NDP: variants seen among roughly 807,000 people sequenced by gnomAD.
NDP encodes the protein norrin cystine knot growth factor NDP.
A neutral mutation model predicts 8.4 loss-of-function variants in NDP; 2 were observed. That is an observed-to-expected ratio of 0.24 (90% CI 0.10 to 0.75). NDP has a LOEUF of 0.75. Among genes scored for constraint, NDP ranks in the 30% least tolerant of loss-of-function variants. The pLI, the probability that NDP is intolerant of heterozygous loss-of-function variation, is 0.73. For synonymous variants in NDP, 55 were observed against 45.6 expected (o/e 1.21, Z -0.83); for missense variants, 81 against 110.1 (o/e 0.74, Z 1.18).
intron 1 of NDP, among the ~76,000 whole-genome samples, chrX:43,963,984 T>C (rs904854791): frequency 8.9e-6 from 1 of 112,128 alleles, no homozygotes; most frequent in African/African-American, 3.2e-5. Context: ...TCTCCAAGGA[T>C]GGGCAGGCAA....
chrX:43,952,295 G>A (rs892428018), intron 2 of NDP, among the ~76,000 whole-genome samples: 1 of 111,866 alleles, frequency 8.9e-6, no homozygotes, highest in Non-Finnish European at 1.9e-5. Flanking sequence ...CTGTATGTGG[G>A]AAGAGCTGCT....
intron 1 of NDP, among the ~76,000 whole-genome samples, chrX:43,969,947 C>T (rs1476454823): frequency 8.9e-6 from 1 of 111,872 alleles, no homozygotes; most frequent in African/African-American, 3.3e-5. Context: ...AACAAGTACC[C>T]AGACATGGCA....
chrX:43,967,252 G>A (rs2035862973), intron 1 of NDP, among the ~76,000 whole-genome samples: 1 of 110,967 alleles, frequency 9.0e-6, no homozygotes, highest in Non-Finnish European at 1.9e-5. Flanking sequence ...TTCTGAAAAG[G>A]AGTAATTTTT....
chrX:43,953,927 C>T (rs1046554887), intron 2 of NDP, among the ~76,000 whole-genome samples: 16 of 112,540 alleles, frequency 1.4e-4, no homozygotes, highest in Non-Finnish European at 2.6e-4. Context: ...TTCTTGTGGG[C>T]TTCTTGGGAC....
chrX:43,949,864 C>T lies in NDP; in HGVS notation c.337G>A (p.Gly113Ser). 4 of 1,193,782 alleles carry T rather than the reference C, an allele frequency of 3.4e-6. No individual in the cohort carries two copies. The highest frequency in any genetic ancestry group is 4.5e-6 in the Non-Finnish European group (4 of 886,634). Residue 113 changes from glycine to serine, a missense_variant, in exon 3 of 3, where the codon GGC (glycine) becomes AGC (serine). Transcript: ENST00000642620. The part of the protein sequence containing the change: ...LKALRLRCSG[G>S]MRLTATYRYI... The stretch of plus-strand genomic sequence containing the variant: ...CGGTAGGTGGCAGTGAGTCGCATGC[C>T]CCCTGAGCATCGCAGCCGCAGTGCC...
At chrX:43,959,134 T>G (rs755191864) in intron 1 of NDP, among the ~76,000 whole-genome samples, 2 of 111,965 alleles carry the variant, frequency 1.8e-5, no homozygotes, top group Non-Finnish European at 3.8e-5. Flanking sequence ...TTTGAACCCA[T>G]GTTAAAGATT....
intron 1 of NDP, among the ~76,000 whole-genome samples, chrX:43,964,775 A>G (rs1384629042): frequency 8.9e-6 from 1 of 111,817 alleles, no homozygotes; most frequent in African/African-American, 3.3e-5. Context: ...CTAGGACTCA[A>G]TTTCCTCATC....
rs12164398 is a variant in NDP, at chrX:43,966,309, G to A, written c.-208+6995C>T. Among the ~76,000 whole-genome samples, 669 of 111,736 alleles carry A rather than the reference G, an allele frequency of 6.0e-3. 7 individuals carry two copies. In the East Asian group the frequency reaches 0.073, roughly 12 times the overall value. ...CTTTCTTCAATGGGGAATTAAAGTA[G>A]GGAGAGAGCAGGTCATGGGAGAAGT... On this transcript the variant is annotated intron_variant, in intron 1 of 2. Transcript: ENST00000642620.
chrX:43,970,603 C>A (rs1237499048), intron 1 of NDP, among the ~76,000 whole-genome samples: 1 of 111,288 alleles, frequency 9.0e-6, no homozygotes. Context: ...ATGATGGAGA[C>A]CTGGGTTTGG....
chrX:43,954,351 C>T (rs1044919201), intron 2 of NDP, among the ~76,000 whole-genome samples: 1 of 110,840 alleles, frequency 9.0e-6, no homozygotes, highest in Non-Finnish European at 1.9e-5. Context: ...TGGATGGGAA[C>T]TCAGCTCACT....
chrX:43,958,323 TA>T, intron 2 of NDP, 148 bp downstream of exon 2: 1 of 678,897 alleles, frequency 1.5e-6, no homozygotes, highest in South Asian at 2.5e-5. Context: ...GGGGAAATTC[TA>T]AAAGCCTCAT....
intron 1 of NDP, among the ~76,000 whole-genome samples, chrX:43,970,063 C>T (rs1469763310): frequency 8.9e-6 from 1 of 112,118 alleles, no homozygotes; most frequent in East Asian, 2.8e-4. Context: ...CTTTTATTGT[C>T]CGGGTAAGTT....
chrX:43,951,702 A>G (rs1424087914), intron 2 of NDP, among the ~76,000 whole-genome samples: 3 of 111,529 alleles, frequency 2.7e-5, no homozygotes, highest in African/African-American at 9.8e-5. Flanking sequence ...TCTGGTAATT[A>G]TAGATTATTG....
At chrX:43,953,802 C>T (rs923278831) in intron 2 of NDP, among the ~76,000 whole-genome samples, 1 of 112,938 alleles carries the variant, frequency 8.9e-6, no homozygotes, top group Non-Finnish European at 1.9e-5. Context: ...AGTATAATAC[C>T]TGCCTCCTGA....
At chrX:43,959,982 C>A (rs2035817304) in intron 1 of NDP, among the ~76,000 whole-genome samples, 1 of 112,145 alleles carries the variant, frequency 8.9e-6, no homozygotes, top group Admixed American at 9.4e-5. Context: ...ATTAGGAGTT[C>A]AAGTTGGCAT....
rs1376768373 is a variant in NDP, at chrX:43,949,699, C to T, written c.*100G>A. The T allele has an allele frequency of 5.2e-6, 4 of 764,776 alleles. No individual in the cohort carries two copies. The highest frequency in any genetic ancestry group is 7.8e-6 in the Non-Finnish European group (4 of 509,667). The allele number at this position is 764,776 out of a possible 1,213,427, so 63.0% of individuals were successfully genotyped here. On this transcript the variant is annotated 3_prime_UTR_variant, in exon 3 of 3. Coordinates refer to ENST00000642620, the MANE Select transcript of NDP (RefSeq NM_000266.4). ...ATGCAGAGTCCCGGGAGAATTGTTG[C>T]ATCCTTTTTTGCCTTAACTCTTTTC... is the stretch of plus-strand genomic sequence containing the variant.
At chrX:43,969,838 G>T (rs755055156) in intron 1 of NDP, among the ~76,000 whole-genome samples, 7 of 111,835 alleles carry the variant, frequency 6.3e-5, no homozygotes, top group Non-Finnish European at 1.3e-4. Context: ...AAGGGGGCGG[G>T]CTGGGAGCAG....
At chrX:43,970,316 G>A (rs1351268751) in intron 1 of NDP, among the ~76,000 whole-genome samples, 3 of 111,868 alleles carry the variant, frequency 2.7e-5, no homozygotes, top group African/African-American at 9.8e-5. Context: ...CTGGCCTAGT[G>A]CAGAGGGCCT....
intron 1 of NDP, among the ~76,000 whole-genome samples, chrX:43,963,850 T>C (rs1282806065): frequency 8.9e-6 from 1 of 112,659 alleles, no homozygotes; most frequent in African/African-American, 3.2e-5. Context: ...GTTCAATGAA[T>C]GGTTTTTAAT....
Sources: allele counts gnomAD v4.1 joint callset (sites outside exome capture counted in the v4.1 genomes callset), GRCh38; gene constraint gnomAD v4.1.1; transcripts MANE v1.5; gene names NCBI Gene and HGNC (gene_info 2026-07-23, HGNC 2026-07-21).